The following PABPC4L variants were observed in gnomAD, a reference collection of about 807,000 sequenced individuals.
PABPC4L encodes the protein polyadenylate-binding protein 4-like.
For missense variants in PABPC4L, 452 were observed against 451.4 expected, an observed-to-expected ratio of 1.00 and a Z score of -0.01; for synonymous variants, 169 against 164.1, an observed-to-expected ratio of 1.03 and a Z score of -0.23.
the PABPC4L span, among the ~76,000 whole-genome samples, chr4:134,000,302 A>C: frequency 6.6e-6 from 1 of 152,188 alleles, no homozygotes; most frequent in Non-Finnish European, 1.5e-5. Context: ...AAAATGTAAA[A>C]TGCTTAACAG....
chr4:134,129,637 T>A, the PABPC4L span, among the ~76,000 whole-genome samples: 20 of 152,092 alleles, frequency 1.3e-4, no homozygotes, highest in African/African-American at 4.3e-4. Flanking sequence ...TAAGTTTAAT[T>A]AAATTTAAAT....
At chr4:134,138,893 A>G in the PABPC4L span, among the ~76,000 whole-genome samples, 1 of 151,896 alleles carries the variant, frequency 6.6e-6, no homozygotes, top group East Asian at 1.9e-4. Flanking sequence ...TGGATTTTCA[A>G]TATCAAATCT....
chr4:133,954,966 A>G, the PABPC4L span, among the ~76,000 whole-genome samples: 1 of 152,144 alleles, frequency 6.6e-6, no homozygotes, highest in Admixed American at 6.5e-5. Context: ...CAAGTTTCCC[A>G]TGCTCACCAG....
chr4:134,033,609 C>T, the PABPC4L span, among the ~76,000 whole-genome samples: 1 of 151,796 alleles, frequency 6.6e-6, no homozygotes, highest in Non-Finnish European at 1.5e-5. Context: ...GGAAGTGAAA[C>T]AGTTTTATTT....
chr4:134,021,728 A>G, the PABPC4L span, among the ~76,000 whole-genome samples: 3 of 152,142 alleles, frequency 2.0e-5, no homozygotes, highest in East Asian at 1.9e-4. Context: ...CTTCTAGTAC[A>G]TACTTAAAAA....
At chr4:134,041,845 T>C in the PABPC4L span, among the ~76,000 whole-genome samples, 1 of 152,002 alleles carries the variant, frequency 6.6e-6, no homozygotes, top group Non-Finnish European at 1.5e-5. Context: ...ATGAATACAA[T>C]CTCTATGGAA....
chr4:134,056,053 A>G, the PABPC4L span, among the ~76,000 whole-genome samples: 7 of 151,954 alleles, frequency 4.6e-5, no homozygotes, highest in African/African-American at 1.4e-4. Flanking sequence ...TTGCTATAGC[A>G]CCATTTGTTG....
the PABPC4L span, among the ~76,000 whole-genome samples, chr4:134,075,693 T>G: frequency 6.6e-6 from 1 of 152,076 alleles, no homozygotes; most frequent in African/African-American, 2.4e-5. Context: ...AGTTTAATTT[T>G]CTTTTTCCAT....
At chr4:134,050,597 C>A in the PABPC4L span, among the ~76,000 whole-genome samples, 1 of 148,874 alleles carries the variant, frequency 6.7e-6, no homozygotes, top group East Asian at 2.0e-4. Context: ...CCCAGCTACT[C>A]GGGAGGCTGA....
At chr4:134,078,474 C>A in the PABPC4L span, among the ~76,000 whole-genome samples, 1 of 151,830 alleles carries the variant, frequency 6.6e-6, no homozygotes, top group African/African-American at 2.4e-5. Context: ...AAACAAAAAA[C>A]GAAAGAAAGA....
the PABPC4L span, among the ~76,000 whole-genome samples, chr4:134,129,506 T>A: frequency 2.6e-5 from 4 of 152,092 alleles, no homozygotes; most frequent in South Asian, 8.3e-4. Context: ...AAATTGGACA[T>A]GAACTACAAA....
the PABPC4L span, among the ~76,000 whole-genome samples, chr4:133,999,913 A>G: frequency 6.6e-6 from 1 of 152,096 alleles, no homozygotes; most frequent in Non-Finnish European, 1.5e-5. Flanking sequence ...ATTAAACTTG[A>G]TATTACAAAG....
the PABPC4L span, among the ~76,000 whole-genome samples, chr4:134,132,922 T>C: frequency 6.8e-6 from 1 of 146,068 alleles, no homozygotes; most frequent in Non-Finnish European, 1.5e-5. Flanking sequence ...GCATATTATA[T>C]ATAAATTATA....
the PABPC4L span, among the ~76,000 whole-genome samples, chr4:133,986,300 C>T: frequency 6.6e-6 from 1 of 151,748 alleles, no homozygotes; most frequent in Non-Finnish European, 1.5e-5. Flanking sequence ...TACTTTAAAA[C>T]TATTGTTTTC....
At chr4:134,159,083 T>C in the PABPC4L span, among the ~76,000 whole-genome samples, 1 of 152,130 alleles carries the variant, frequency 6.6e-6, no homozygotes, top group South Asian at 2.1e-4. Context: ...ATGAAGCTTA[T>C]AGAAAAGAAA....
the PABPC4L span, among the ~76,000 whole-genome samples, chr4:133,996,777 G>T: frequency 6.6e-6 from 1 of 152,158 alleles, no homozygotes; most frequent in Non-Finnish European, 1.5e-5. Context: ...CAGTGCAGCA[G>T]CAGCAGCTAC....
At chr4:134,189,721 C>A in the PABPC4L span, among the ~76,000 whole-genome samples, 2 of 152,042 alleles carry the variant, frequency 1.3e-5, no homozygotes, top group Admixed American at 6.6e-5. Context: ...TGTGCTCTTG[C>A]ACTATGAACT....
downstream of PABPC4L, among the ~76,000 whole-genome samples, chr4:134,195,032 C>T (rs1729617503): frequency 3.3e-5 from 5 of 151,610 alleles, no homozygotes; most frequent in Admixed American, 3.3e-4. Context: ...GGCCTTTTGC[C>T]AATTGCAATC....
the PABPC4L span, among the ~76,000 whole-genome samples, chr4:133,993,996 G>A: frequency 2.6e-5 from 4 of 152,038 alleles, no homozygotes; most frequent in Admixed American, 6.6e-5. Flanking sequence ...GAGTGGAAAA[G>A]GTCTCCAAGG....
Sources: allele counts gnomAD v4.1 joint callset (sites outside exome capture counted in the v4.1 genomes callset), GRCh38; gene constraint gnomAD v4.1.1; transcripts MANE v1.5; gene names NCBI Gene and HGNC (gene_info 2026-07-23, HGNC 2026-07-21).